The following GPC5 variants were observed in gnomAD, a reference collection of about 807,000 sequenced individuals.
The protein encoded by GPC5 is glypican-5.
In GPC5, 47 loss-of-function variants were observed where a neutral mutation model predicts 53.9. The ratio of observed to expected loss-of-function variants is 0.87; its 90% CI spans 0.69 to 1.11. The LOEUF (loss-of-function observed/expected upper bound fraction) is 1.11, where lower values mean the gene tolerates loss of function less well. Among genes scored for constraint, GPC5 ranks in the 50% most tolerant of loss-of-function variants. The pLI, the probability that GPC5 is intolerant of heterozygous loss-of-function variation, is 0.00. For synonymous variants in GPC5, 286 were observed against 263.3 expected (o/e 1.09, Z -0.84); for missense variants, 748 against 713.1 (o/e 1.05, Z -0.56).
chr13:91,719,546 GCTAA>G (rs1300516704), intron 3 of GPC5, among the ~76,000 whole-genome samples: 2 of 152,138 alleles, frequency 1.3e-5, no homozygotes, highest in Non-Finnish European at 2.9e-5. Flanking sequence ...TACCATTCCA[GCTAA>G]CTTACTCCAT....
chr13:91,597,760 G>T (rs1486559633), intron 2 of GPC5, among the ~76,000 whole-genome samples: 2 of 151,990 alleles, frequency 1.3e-5, no homozygotes, highest in African/African-American at 2.4e-5. Flanking sequence ...GGTCCAAAAT[G>T]GGGCATATTC....
chr13:92,564,633 C>T (rs1363555055), intron 7 of GPC5, among the ~76,000 whole-genome samples: 6 of 151,994 alleles, frequency 3.9e-5, no homozygotes, highest in Non-Finnish European at 7.4e-5. Context: ...AGGTAGTGAG[C>T]AGAGTACCCA....
chr13:92,597,384 C>T (rs1883917627), intron 7 of GPC5, among the ~76,000 whole-genome samples: 2 of 152,174 alleles, frequency 1.3e-5, no homozygotes, highest in East Asian at 3.9e-4. Flanking sequence ...CAGACGGATA[C>T]TTTAGCTACA....
intron 5 of GPC5, among the ~76,000 whole-genome samples, chr13:91,775,537 C>T (rs2037697385): frequency 6.6e-6 from 1 of 152,084 alleles, no homozygotes; most frequent in Non-Finnish European, 1.5e-5. Context: ...TCTCTTTTTT[C>T]CACTTTCCAA....
chr13:91,532,251 C>T (rs180789825), intron 2 of GPC5, among the ~76,000 whole-genome samples: 3 of 152,276 alleles, frequency 2.0e-5, no homozygotes, highest in Admixed American at 2.0e-4. Flanking sequence ...AAAAGGGAAG[C>T]ATTCAGCAGT....
At chr13:91,717,234 C>CA (rs2036357968) in intron 3 of GPC5, among the ~76,000 whole-genome samples, 1 of 152,212 alleles carries the variant, frequency 6.6e-6, no homozygotes, top group African/African-American at 2.4e-5. Flanking sequence ...GTAGGATACT[C>CA]AAAGTGGAGT....
At chr13:92,350,688 C>T (rs2043469539) in intron 7 of GPC5, among the ~76,000 whole-genome samples, 3 of 152,238 alleles carry the variant, frequency 2.0e-5, no homozygotes, top group Middle Eastern at 6.8e-3. Context: ...CGAAAGTTCT[C>T]ACCACACAAT....
At chr13:92,610,030 CAAAAAAAAAAAAAA>C (rs56913637) in intron 7 of GPC5, among the ~76,000 whole-genome samples, 2 of 70,834 alleles carry the variant, frequency 2.8e-5, no homozygotes, top group Admixed American at 2.1e-4. Context: ...GACTCCATCT[CAAAAAAAAAAAAAA>C]AAAAAAAAAA....
intron 6 of GPC5, among the ~76,000 whole-genome samples, chr13:92,064,282 T>G (rs2041147353): frequency 6.6e-6 from 1 of 152,168 alleles, no homozygotes; most frequent in African/African-American, 2.4e-5. Flanking sequence ...TAAATAGTGT[T>G]TTTCAAATGT....
intron 7 of GPC5, among the ~76,000 whole-genome samples, chr13:92,295,929 G>A (rs1452787452): frequency 1.3e-5 from 2 of 152,200 alleles, no homozygotes; most frequent in African/African-American, 4.8e-5. Context: ...TATCTTTTAA[G>A]TGGAGTGTTT....
rs143671385 is a variant in GPC5, at chr13:92,568,593, A to G, written c.1562-297689A>G. ...CAACAATTTTTATTTTACTGACAAC[A>G]CTCCATTTGTTTTGAATAAATATAT... On this transcript the variant is annotated intron_variant, in intron 7 of 7. Transcript: ENST00000377067. Among the ~76,000 whole-genome samples the G allele has an allele frequency of 4.0e-3, 602 of 152,162 alleles. 7 individuals are homozygous for G. The highest frequency in any genetic ancestry group is 0.014 in the African/African-American group (585 of 41,540).
intron 5 of GPC5, among the ~76,000 whole-genome samples, chr13:91,819,143 A>T (rs922084921): frequency 5.4e-5 from 8 of 148,802 alleles, no homozygotes; most frequent in Non-Finnish European, 8.9e-5. Context: ...TATTAAAAAA[A>T]ATATGCGCTT....
chr13:92,417,759 C>T (rs1876377286), intron 7 of GPC5, among the ~76,000 whole-genome samples: 1 of 152,112 alleles, frequency 6.6e-6, no homozygotes, highest in Admixed American at 6.6e-5. Context: ...GATGTGGTGG[C>T]ATGTGCCTGT....
chr13:91,459,070 AG>A (rs1242082223), intron 2 of GPC5, among the ~76,000 whole-genome samples: 1 of 151,702 alleles, frequency 6.6e-6, no homozygotes, highest in Non-Finnish European at 1.5e-5. Flanking sequence ...GAAGGGTGGG[AG>A]GGGGGTGAGG....
chr13:91,745,038 G>A (rs531280508), intron 4 of GPC5, among the ~76,000 whole-genome samples: 55 of 152,160 alleles, frequency 3.6e-4, no homozygotes, highest in South Asian at 2.1e-3. Flanking sequence ...TTATCTGACT[G>A]GTTTTAAATC....
At chr13:92,289,541 C>G (rs1023210019) in intron 7 of GPC5, among the ~76,000 whole-genome samples, 2 of 151,846 alleles carry the variant, frequency 1.3e-5, no homozygotes, top group Non-Finnish European at 2.9e-5. Context: ...CATTTTATTT[C>G]TTTACCATAT....
At position 92,035,881 on chromosome 13, in the gene GPC5, C is replaced by A. The variant is rs181115852; in HGVS notation, c.1402-108949C>A. Reference sequence around the variant, plus strand: ...AGTTTTTAATCTTACAGCATTTATTCTCTTTCAAGACTTTCCAAATTGCCA... The same window carrying A: ...AGTTTTTAATCTTACAGCATTTATTATCTTTCAAGACTTTCCAAATTGCCA... On this transcript the variant is annotated intron_variant, in intron 6 of 7. Coordinates refer to ENST00000377067, the MANE Select transcript of GPC5 (RefSeq NM_004466.6). Among the ~76,000 whole-genome samples the A allele has an allele frequency of 4.0e-5, 6 of 151,642 alleles. No individual in the cohort carries two copies. In the East Asian group the frequency reaches 1.2e-3, roughly 30 times the overall value.
intron 1 of GPC5, among the ~76,000 whole-genome samples, chr13:91,421,497 G>C (rs909376878): frequency 2.0e-5 from 3 of 152,134 alleles, no homozygotes; most frequent in Admixed American, 2.0e-4. Flanking sequence ...CATCCTCCAA[G>C]TGATGATAAA....
intron 7 of GPC5, among the ~76,000 whole-genome samples, chr13:92,392,146 AACAG>A (rs1415449957): frequency 6.6e-6 from 1 of 152,190 alleles, no homozygotes; most frequent in Admixed American, 6.6e-5. Context: ...CTGATTTCTA[AACAG>A]ACAATTACTT....
Sources: allele counts gnomAD v4.1 joint callset (sites outside exome capture counted in the v4.1 genomes callset), GRCh38; gene constraint gnomAD v4.1.1; transcripts MANE v1.5; gene names NCBI Gene and HGNC (gene_info 2026-07-23, HGNC 2026-07-21).